NCALD: variants seen among roughly 807,000 people sequenced by gnomAD.
The protein encoded by NCALD is neurocalcin delta.
In NCALD, 10 loss-of-function variants were observed where a neutral mutation model predicts 18.6. The ratio of observed to expected loss-of-function variants is 0.54; its 90% confidence interval spans 0.33 to 0.91. NCALD has a LOEUF of 0.91. Ranked by LOEUF, NCALD falls within the 40% of genes least tolerant of loss-of-function variation. The probability of loss-of-function intolerance (pLI) is 0.03; values close to 1 mark genes in which losing one functional copy is unlikely to be tolerated. For synonymous variants in NCALD, 88 were observed against 87.4 expected, an observed-to-expected ratio of 1.01 and a Z score of -0.04; for missense variants, 184 against 247.6, an observed-to-expected ratio of 0.74 and a Z score of 1.72.
intron 4 of NCALD, among the ~76,000 whole-genome samples, chr8:101,862,552 G>T (rs866589696): frequency 6.6e-6 from 1 of 152,160 alleles, no homozygotes; most frequent in South Asian, 2.1e-4. Context: ...GCAAATAGTA[G>T]CTAGTGATTA....
At chr8:101,809,286 G>T (rs910499367) in intron 4 of NCALD, among the ~76,000 whole-genome samples, 2 of 152,108 alleles carry the variant, frequency 1.3e-5, no homozygotes, top group Non-Finnish European at 2.9e-5. Flanking sequence ...ATCACTACAG[G>T]AGTAAAAATG....
At chr8:101,897,586 T>G (rs932367873) in intron 3 of NCALD, among the ~76,000 whole-genome samples, 1 of 152,134 alleles carries the variant, frequency 6.6e-6, no homozygotes, top group Non-Finnish European at 1.5e-5. Context: ...TTGTTTCCAG[T>G]GTTGGGCTAT....
chr8:101,720,338 A>G (rs1488025676), intron 1 of NCALD, among the ~76,000 whole-genome samples: 1 of 152,194 alleles, frequency 6.6e-6, no homozygotes. Flanking sequence ...AAATAGGTCA[A>G]ATGTTTCTCT....
intron 1 of NCALD, among the ~76,000 whole-genome samples, chr8:102,030,957 T>TAAAAAA (rs35761403): frequency 6.8e-6 from 1 of 147,058 alleles, no homozygotes. Flanking sequence ...TGATAAATGA[T>TAAAAAA]AAAAAAAAAA....
At chr8:101,846,935 A>G (rs553434784) in intron 4 of NCALD, among the ~76,000 whole-genome samples, 2 of 152,328 alleles carry the variant, frequency 1.3e-5, no homozygotes, top group African/African-American at 4.8e-5. Flanking sequence ...GTATTTTTGC[A>G]TACTTATTCC....
chr8:101,905,371 T>A (rs1466292107), intron 3 of NCALD, among the ~76,000 whole-genome samples: 4 of 152,068 alleles, frequency 2.6e-5, no homozygotes, highest in African/African-American at 9.7e-5. Flanking sequence ...TTCTGGACTC[T>A]CTATTTCTTC....
In NCALD at chr8:101,870,120, G is replaced by A. The variant is rs181444916; in HGVS notation, c.-20+17021C>T. ...ACAATACTAACTCACCAGACGAAGAGGGGACTCAATTAGGTGTTGTGTTCT... is the reference window on the plus strand; with the variant it reads ...ACAATACTAACTCACCAGACGAAGAAGGGACTCAATTAGGTGTTGTGTTCT... On this transcript the variant is annotated intron_variant, in intron 4 of 6. Transcript: ENST00000311028. Among the ~76,000 whole-genome samples the A allele has an allele frequency of 1.0e-3, 155 of 152,296 alleles. 1 individual carries two copies. The highest frequency in any genetic ancestry group is 3.5e-3 in the African/African-American group (146 of 41,552).
At chr8:101,691,518 C>A in intron 3 of NCALD, 1 of 985,376 alleles carries the variant, frequency 1.0e-6, no homozygotes, top group Non-Finnish European at 1.2e-6. Context: ...CTGTCTGGAC[C>A]TAGAGCACAG....
At chr8:101,936,347 C>T (rs1355704448) in intron 2 of NCALD, among the ~76,000 whole-genome samples, 2 of 151,896 alleles carry the variant, frequency 1.3e-5, no homozygotes, top group African/African-American at 4.8e-5. Flanking sequence ...GGTGAGGAGG[C>T]GAGGTACTGA....
At chr8:102,002,411 C>T (rs1586904549) in intron 2 of NCALD, among the ~76,000 whole-genome samples, 1 of 152,136 alleles carries the variant, frequency 6.6e-6, no homozygotes, top group East Asian at 2.0e-4. Context: ...GACTTAGACT[C>T]CCACACAATA....
chr8:102,082,985 G>A (rs576898978), intron 1 of NCALD, among the ~76,000 whole-genome samples: 33 of 152,310 alleles, frequency 2.2e-4, no homozygotes, highest in African/African-American at 4.6e-4. Context: ...AGATGCAAAC[G>A]TCTCCTCTAC....
At chr8:101,795,311 G>C (rs118045085), upstream of NCALD, among the ~76,000 whole-genome samples, 1 of 152,250 alleles carries the variant, frequency 6.6e-6, no homozygotes, top group Admixed American at 6.5e-5. Flanking sequence ...TATATTGAGC[G>C]TCTTATTCCA....
intron 4 of NCALD, among the ~76,000 whole-genome samples, chr8:101,801,167 G>T (rs4734596): frequency 1.3e-5 from 2 of 151,962 alleles, no homozygotes; most frequent in Non-Finnish European, 2.9e-5. Context: ...TAAGCAAGAA[G>T]TGCTACTAAA....
intron 2 of NCALD, among the ~76,000 whole-genome samples, chr8:101,924,647 C>T (rs934073093): frequency 2.6e-5 from 4 of 152,182 alleles, no homozygotes; most frequent in African/African-American, 7.2e-5. Flanking sequence ...CAGCTACCAT[C>T]GGGACCAGAG....
intron 4 of NCALD, among the ~76,000 whole-genome samples, chr8:101,817,039 A>C (rs1440473190): frequency 1.3e-5 from 2 of 152,014 alleles, no homozygotes; most frequent in African/African-American, 4.8e-5. Context: ...GTTTCTATCC[A>C]TTTTAAGCCC....
chr8:101,770,371 T>C (rs1477049602), intron 1 of NCALD, among the ~76,000 whole-genome samples: 1 of 152,230 alleles, frequency 6.6e-6, no homozygotes, highest in Non-Finnish European at 1.5e-5. Context: ...AGAGATGATG[T>C]TATAATCAGT....
intron 3 of NCALD, among the ~76,000 whole-genome samples, chr8:101,899,840 T>C (rs1204957693): frequency 6.6e-6 from 1 of 151,918 alleles, no homozygotes; most frequent in Non-Finnish European, 1.5e-5. Context: ...TTTCTTTTAT[T>C]GTGCTTTTTC....
At chr8:101,705,792 G>T (rs1194285013) in intron 2 of NCALD, among the ~76,000 whole-genome samples, 1 of 152,214 alleles carries the variant, frequency 6.6e-6, no homozygotes, top group Non-Finnish European at 1.5e-5. Flanking sequence ...GGTCCAAGAA[G>T]CCTCAGCTGC....
At chr8:102,099,127 T>C (rs1014086900) in intron 1 of NCALD, among the ~76,000 whole-genome samples, 1 of 152,224 alleles carries the variant, frequency 6.6e-6, no homozygotes, top group African/African-American at 2.4e-5. Context: ...TTGATCCAAA[T>C]GGATCTGAAT....
Sources: gnomAD v4.1 joint callset for allele counts (sites outside exome capture counted in the v4.1 genomes callset) on GRCh38, gnomAD v4.1.1 for gene constraint, MANE v1.5 for transcripts, NCBI Gene and HGNC (gene_info 2026-07-23, HGNC 2026-07-21) for gene names.